Variants in BTBD16 observed in about 807,000 individuals in gnomAD.
BTBD16 encodes the protein BTB domain containing 16.
Under a neutral mutation model 67.4 loss-of-function variants are expected in BTBD16, and 66 were observed. The ratio of observed to expected loss-of-function variants is 0.98; its 90% confidence interval spans 0.80 to 1.20. The LOEUF is 1.20. BTBD16 is among the 50% of genes most tolerant of loss of function. The pLI is 0.00. For missense variants in BTBD16, 634 were observed against 616.0 expected, an observed-to-expected ratio of 1.03 and a Z score of -0.31; for synonymous variants, 242 against 236.4, an observed-to-expected ratio of 1.02 and a Z score of -0.22.
intron 7 of BTBD16, chr10:122,295,594 G>A (rs2096381656): frequency 1.0e-6 from 1 of 952,566 alleles, no homozygotes. Context: ...GCTATGCAGA[G>A]GCTCAGCCGA....
chr10:122,338,037 G>A lies in BTBD16; in HGVS notation c.1473G>A (p.Val491=), dbSNP rs1315186752. 1.2e-6 allele frequency: 2 copies of A among 1,612,096 alleles called. No individual in the cohort carries two copies. The highest frequency in any genetic ancestry group is 1.3e-5 in the African/African-American group (1 of 74,882). Residue 491 remains valine (V), a synonymous_variant, in exon 16 of 16, where the codon GTG becomes GTA. Transcript: ENST00000260723. ...CKSHTLKIQT[V]GIPIYVSFAF... is the part of the protein sequence containing the mutation. ...TTTAGACCTTGAAAATCCAAACTGT[G>A]GGCATCCCAATCTATGTAAGTTTTG...
Position 122,299,055 on chromosome 10 carries a change from T to C in BTBD16, c.712T>C (p.Leu238=). 7 of 1,613,952 alleles carry C rather than the reference T, an allele frequency of 4.3e-6. No individual in the cohort carries two copies. Among genetic ancestry groups the C allele is most frequent in the Non-Finnish European group, 5.9e-6 (7 of 1,179,976 alleles). The change falls in exon 9 of 16, where the codon TTG becomes CTG. Residue 238 remains leucine (L), a synonymous_variant. Coordinates refer to ENST00000260723, the MANE Select transcript of BTBD16 (RefSeq NM_144587.5). ...CTGCGAGAAGTGGCTGGAAATGAACTTGGTTCCTCTAGGGGGGACGCAGAT... is the reference window on the plus strand; with the variant it reads ...CTGCGAGAAGTGGCTGGAAATGAACCTGGTTCCTCTAGGGGGGACGCAGAT... ...TGCEKWLEMN[L]VPLGGTQIHL...
chr10:122,284,305 T>C (rs573555562), intron 4 of BTBD16, among the ~76,000 whole-genome samples: 20 of 152,098 alleles, frequency 1.3e-4, no homozygotes, highest in African/African-American at 4.8e-4. Context: ...AAAAACTAGC[T>C]AGTTGTAGTG....
chr10:122,327,857 G>A (rs569976699), intron 10 of BTBD16, among the ~76,000 whole-genome samples: 29 of 152,320 alleles, frequency 1.9e-4, no homozygotes, highest in African/African-American at 6.5e-4. Flanking sequence ...CAGAACCGGC[G>A]TCTGGAGCTT....
Position 122,329,500 on chromosome 10 carries a change from T to G in BTBD16, c.932T>G (p.Phe311Cys). 1 of 1,613,952 alleles carries G rather than the reference T, an allele frequency of 6.2e-7. No homozygotes were observed. The highest frequency in any genetic ancestry group is 8.5e-7 in the Non-Finnish European group (1 of 1,179,998). Residue 311 changes from phenylalanine to cysteine, a missense_variant, in exon 11 of 16, where the codon TTT (phenylalanine) becomes TGT (cysteine). Transcript: ENST00000260723. ...CTAAGCTTTCCTGAGAACTGTTGCT[T>G]TCTGGACCGGGACATAGGACGGAGC... The part of the protein sequence containing the change: ...FFKSFPENCC[F>C]LDRDIGRSLR...
At chr10:122,312,312 T>TC (rs2096415338) in intron 10 of BTBD16, among the ~76,000 whole-genome samples, 2 of 24,648 alleles carry the variant, frequency 8.1e-5, no homozygotes, top group South Asian at 1.2e-3. Flanking sequence ...TCTTTTTCTT[T>TC]TTTTTTTTTT....
At position 122,297,879 on chromosome 10, in the gene BTBD16, C is replaced by G. The variant is rs2096386505; in HGVS notation, c.660+42C>G. 4 of 1,586,644 alleles carry G rather than the reference C, an allele frequency of 2.5e-6. No homozygotes were observed. In the African/African-American group the frequency reaches 4.0e-5, roughly 16 times the overall value. On this transcript the variant is annotated intron_variant, in intron 8 of 15. Transcript: ENST00000260723. ...CGGGGCACATCGCCCCTTGGGGGGGCCTTCAGGAGCAGCCTAGATGCTGGG... is the reference window on the plus strand; with the variant it reads ...CGGGGCACATCGCCCCTTGGGGGGGGCTTCAGGAGCAGCCTAGATGCTGGG...
In BTBD16 at chr10:122,295,357, G is replaced by A. The variant is rs959352973; in HGVS notation, c.591-2411G>A. 35 of 985,402 alleles carry A rather than the reference G, an allele frequency of 3.6e-5. 1 individual carries two copies. The East Asian group carries it at 3.4e-3, about 96-fold the overall frequency. The allele number at this position is 985,402 out of a possible 1,614,324, so 61.0% of individuals were successfully genotyped here. ...GCAGCATCAAACTGGGATAAGCCTG[G>A]CCACTAAGACCCAATGCAGCTGCAA... is the stretch of plus-strand genomic sequence containing the variant. On this transcript the variant is annotated intron_variant, in intron 7 of 15. Transcript: ENST00000260723.
At chr10:122,294,760 C>T (rs1418889238) in intron 7 of BTBD16, among the ~76,000 whole-genome samples, 1 of 152,226 alleles carries the variant, frequency 6.6e-6, no homozygotes, top group African/African-American at 2.4e-5. Flanking sequence ...GCTTTCTTTG[C>T]TTCCTTTGGT....
intron 3 of BTBD16, among the ~76,000 whole-genome samples, chr10:122,277,970 G>A (rs2096344513): frequency 6.6e-6 from 1 of 152,198 alleles, no homozygotes; most frequent in Non-Finnish European, 1.5e-5. Context: ...AAATCAAAGT[G>A]AGCATGGACT....
rs1295110384 is a variant in BTBD16 at position 122,301,229 on chromosome 10, GCTGTCA to G, written c.791+2097_791+2102del. Among the ~76,000 whole-genome samples, 10 of 152,318 alleles carry G rather than the reference GCTGTCA, an allele frequency of 6.6e-5. No individual in the cohort carries two copies. In the East Asian group the frequency reaches 1.9e-3, roughly 29 times the overall value. On this transcript the variant is annotated intron_variant, in intron 9 of 15. Transcript: ENST00000260723. ...ATTGTCCCTCCCTTGGAAAGGCTGA[GCTGTCA>G]CACCCTGGCAGCATTAACCAAGAAA...
At chr10:122,276,204 G>A (rs1485482876) in intron 2 of BTBD16, among the ~76,000 whole-genome samples, 2 of 152,208 alleles carry the variant, frequency 1.3e-5, no homozygotes, top group South Asian at 2.1e-4. Flanking sequence ...TGGTTGTCCC[G>A]GGCTGGGGAC....
intron 10 of BTBD16, among the ~76,000 whole-genome samples, chr10:122,322,184 A>G (rs1273821287): frequency 6.6e-6 from 1 of 151,958 alleles, no homozygotes; most frequent in Non-Finnish European, 1.5e-5. Context: ...TATGTTTTCT[A>G]TTTCATTAAT....
At chr10:122,309,431 G>A (rs1378146225) in intron 10 of BTBD16, among the ~76,000 whole-genome samples, 6 of 150,880 alleles carry the variant, frequency 4.0e-5, no homozygotes, top group Admixed American at 2.6e-4. Context: ...TTCAACCTCC[G>A]CCTCCCAGGT....
intron 10 of BTBD16, among the ~76,000 whole-genome samples, chr10:122,314,423 G>C (rs2096420179): frequency 6.6e-6 from 1 of 152,138 alleles, no homozygotes; most frequent in Non-Finnish European, 1.5e-5. Flanking sequence ...AGGATCACTT[G>C]AGCCTGGGAG....
Position 122,298,988 on chromosome 10 carries a change from C to T in BTBD16, c.661-16C>T. 4 of 1,611,924 alleles carry T rather than the reference C, an allele frequency of 2.5e-6. No individual in the cohort carries two copies. Among genetic ancestry groups the T allele is most frequent in the Non-Finnish European group, 3.4e-6 (4 of 1,179,340 alleles). On this transcript the variant is annotated splice_polypyrimidine_tract_variant and intron_variant, in intron 8 of 15. Coordinates refer to ENST00000260723, the MANE Select transcript of BTBD16 (RefSeq NM_144587.5). ...GCTCAGGACTTCCTTCATCAACTGG[C>T]TTTTTTTTGTCTTAGTACAAGGAAG...
intron 9 of BTBD16, 108 bp downstream of exon 9, chr10:122,299,242 T>C (rs1292599849): frequency 7.5e-7 from 1 of 1,334,200 alleles, no homozygotes; most frequent in Non-Finnish European, 1.0e-6. Context: ...CACCTTAAGC[T>C]TCCTGCCCTC....
intron 3 of BTBD16, among the ~76,000 whole-genome samples, chr10:122,279,916 G>A (rs1230309019): frequency 6.6e-6 from 1 of 152,192 alleles, no homozygotes; most frequent in Non-Finnish European, 1.5e-5. Context: ...TGAGGGAACA[G>A]GCTCCCAGCT....
At chr10:122,278,083 C>T (rs756280330) in intron 3 of BTBD16, among the ~76,000 whole-genome samples, 3 of 152,208 alleles carry the variant, frequency 2.0e-5, no homozygotes, top group East Asian at 3.9e-4. Flanking sequence ...AACACTTTTC[C>T]GTTGCCGAGT....
Sources: gnomAD v4.1 joint callset for allele counts (sites outside exome capture counted in the v4.1 genomes callset) on GRCh38, gnomAD v4.1.1 for gene constraint, MANE v1.5 for transcripts, NCBI Gene and HGNC (gene_info 2026-07-23, HGNC 2026-07-21) for gene names.